The following CNTN5 variants were observed in gnomAD, a reference collection of about 807,000 sequenced individuals.
CNTN5 encodes the protein contactin-5.
A neutral mutation model predicts 129.1 loss-of-function variants in CNTN5; 77 were observed. The observed-to-expected ratio is 0.60, with a 90% CI of 0.50 to 0.72. The LOEUF (loss-of-function observed/expected upper bound fraction) is 0.72. CNTN5 is among the 30% of genes least tolerant of loss of function. CNTN5 has a pLI of 0.00. For missense variants in CNTN5, 1,478 were observed against 1,328.8 expected (o/e 1.11, Z -1.75); for synonymous variants, 509 against 465.6 (o/e 1.09, Z -1.20).
At chr11:99,136,756 C>T (rs959412452) in intron 1 of CNTN5, among the ~76,000 whole-genome samples, 8 of 130,948 alleles carry the variant, frequency 6.1e-5, no homozygotes, top group South Asian at 2.7e-4. Flanking sequence ...CACAGATGGA[C>T]GGAAGAAGGC....
chr11:99,121,793 G>T (rs1362408353), intron 1 of CNTN5, among the ~76,000 whole-genome samples: 1 of 151,818 alleles, frequency 6.6e-6, no homozygotes, highest in African/African-American at 2.4e-5. Flanking sequence ...AGACACCAAG[G>T]GTCAGATTCC....
At chr11:99,033,495 G>A (rs1863515420) in intron 1 of CNTN5, among the ~76,000 whole-genome samples, 1 of 152,156 alleles carries the variant, frequency 6.6e-6, no homozygotes. Context: ...TCCGTTGTAA[G>A]TTGGATTCCT....
chr11:99,575,379 T>A (rs996757775), intron 3 of CNTN5, among the ~76,000 whole-genome samples: 3 of 152,126 alleles, frequency 2.0e-5, no homozygotes, highest in Non-Finnish European at 2.9e-5. Flanking sequence ...TTTCTTTACC[T>A]CGGAATAGGT....
chr11:99,654,953 A>C (rs1055222014), intron 3 of CNTN5, among the ~76,000 whole-genome samples: 1 of 152,078 alleles, frequency 6.6e-6, no homozygotes. Flanking sequence ...CATCAACTCT[A>C]TCTCAACTTA....
chr11:99,131,734 G>A (rs752014659), intron 1 of CNTN5, among the ~76,000 whole-genome samples: 3 of 152,072 alleles, frequency 2.0e-5, no homozygotes, highest in Non-Finnish European at 4.4e-5. Context: ...CCAATAACAA[G>A]TTCTGAAATT....
chr11:99,435,654 A>T (rs1471034771), intron 2 of CNTN5, among the ~76,000 whole-genome samples: 1 of 152,230 alleles, frequency 6.6e-6, no homozygotes, highest in Non-Finnish European at 1.5e-5. Context: ...CTAAGTCTTA[A>T]ATATGCCAAA....
intron 3 of CNTN5, among the ~76,000 whole-genome samples, chr11:99,775,058 T>A (rs973246967): frequency 2.0e-5 from 3 of 152,064 alleles, no homozygotes; most frequent in Non-Finnish European, 4.4e-5. Context: ...TTGTGGCCAA[T>A]CCTTTAAATC....
intron 18 of CNTN5, among the ~76,000 whole-genome samples, chr11:100,279,748 CT>C (rs886752932): frequency 6.6e-6 from 1 of 151,270 alleles, no homozygotes; most frequent in African/African-American, 2.4e-5. Context: ...TTAAAAAAAC[CT>C]TTTTGTTCTA....
intron 13 of CNTN5, among the ~76,000 whole-genome samples, chr11:100,084,277 G>A (rs952739764): frequency 2.0e-5 from 3 of 152,018 alleles, no homozygotes; most frequent in South Asian, 2.1e-4. Flanking sequence ...AATACAAACA[G>A]CATCTAAAAT....
intron 3 of CNTN5, among the ~76,000 whole-genome samples, chr11:99,582,303 C>T (rs1055401039): frequency 6.6e-6 from 1 of 152,136 alleles, no homozygotes; most frequent in African/African-American, 2.4e-5. Context: ...AATTATGTGT[C>T]TTGGAGTTGC....
intron 3 of CNTN5, among the ~76,000 whole-genome samples, chr11:99,668,495 C>T (rs1165931747): frequency 6.6e-6 from 1 of 152,152 alleles, no homozygotes; most frequent in Non-Finnish European, 1.5e-5. Context: ...GCTTAAGAAA[C>T]TCAAGGGTGG....
chr11:99,545,386 T>A (rs1752525228), intron 2 of CNTN5, among the ~76,000 whole-genome samples: 1 of 152,156 alleles, frequency 6.6e-6, no homozygotes, highest in African/African-American at 2.4e-5. Flanking sequence ...GGGTTAAATT[T>A]TAAGTAAATC....
intron 2 of CNTN5, among the ~76,000 whole-genome samples, chr11:99,326,501 G>A (rs917456149): frequency 6.6e-6 from 1 of 152,166 alleles, no homozygotes; most frequent in African/African-American, 2.4e-5. Flanking sequence ...GTTACTAAAT[G>A]TGGATGTGAG....
chr11:99,144,404 G>GA (rs1477100196), intron 1 of CNTN5, among the ~76,000 whole-genome samples: 1 of 152,132 alleles, frequency 6.6e-6, no homozygotes, highest in Non-Finnish European at 1.5e-5. Context: ...TATTTGTCCA[G>GA]AAAAAGGATA....
chr11:99,480,112 A>C (rs1395096264), intron 2 of CNTN5, among the ~76,000 whole-genome samples: 1 of 152,216 alleles, frequency 6.6e-6, no homozygotes, highest in African/African-American at 2.4e-5. Context: ...GCTGGTTGTA[A>C]GTAAGCATGA....
intron 3 of CNTN5, among the ~76,000 whole-genome samples, chr11:99,814,516 C>A (rs1344017500): frequency 6.6e-6 from 1 of 152,122 alleles, no homozygotes; most frequent in African/African-American, 2.4e-5. Flanking sequence ...ATACTGTATT[C>A]TTTGGCTACA....
intron 2 of CNTN5, among the ~76,000 whole-genome samples, chr11:99,348,651 C>T (rs755384719): frequency 1.3e-5 from 2 of 152,160 alleles, no homozygotes; most frequent in Admixed American, 6.5e-5. Flanking sequence ...CCATCTACCA[C>T]CAGTTAGACA....
chr11:99,465,603 G>C (rs1468062752), intron 2 of CNTN5, among the ~76,000 whole-genome samples: 2 of 147,194 alleles, frequency 1.4e-5, no homozygotes, highest in Admixed American at 7.0e-5. Flanking sequence ...TAGGAAATCA[G>C]TATATATATT....
At chr11:99,360,033 C>T (rs1003606901) in intron 2 of CNTN5, among the ~76,000 whole-genome samples, 1 of 152,082 alleles carries the variant, frequency 6.6e-6, no homozygotes, top group Non-Finnish European at 1.5e-5. Flanking sequence ...CATATACCCA[C>T]TACATACTCA....
Sources: allele counts gnomAD v4.1 joint callset (sites outside exome capture counted in the v4.1 genomes callset), GRCh38; gene constraint gnomAD v4.1.1; transcripts MANE v1.5; gene names NCBI Gene and HGNC (gene_info 2026-07-23, HGNC 2026-07-21).